CELSR2: variants seen among roughly 807,000 people sequenced by gnomAD.
The protein encoded by CELSR2 is EGF-like protein 2.
A neutral mutation model predicts 251.6 loss-of-function variants in CELSR2; 81 were observed. The observed-to-expected ratio is 0.32, with a 90% CI of 0.27 to 0.39. The LOEUF (loss-of-function observed/expected upper bound fraction) is 0.39. CELSR2 is among the 10% of genes least tolerant of loss of function. The probability of loss-of-function intolerance (pLI) is 1.00; values close to 1 mark genes in which losing one functional copy is unlikely to be tolerated. For missense variants in CELSR2, 3,365 were observed against 3,947.7 expected, an observed-to-expected ratio of 0.85 and a Z score of 3.96; for synonymous variants, 1,721 against 1,670.5, an observed-to-expected ratio of 1.03 and a Z score of -0.74.
chr1:109,269,117 C>T lies in CELSR2; in HGVS notation c.6639C>T (p.Pro2213=), dbSNP rs1390969053. The T allele has an allele frequency of 1.2e-6, 2 of 1,600,602 alleles. No individual in the cohort carries two copies. Among genetic ancestry groups the T allele is most frequent in the African/African-American group, 1.3e-5 (1 of 74,314 alleles). ...ILPESVFRET[P]PVVRPAGPGE... is the part of the protein sequence containing the mutation. ...GACAGTGTCCCCTCCCAGAGACGCC[C>T]CCCGTGGTCAGGCCCGCAGGCCCCG... Residue 2213 remains proline (P), a synonymous_variant, in exon 20 of 34, where the codon CCC becomes CCT. Transcript: ENST00000271332. This position sits in a 1 kb window ranked among gnomAD's most constrained non-coding sequence, Gnocchi z 6.4.
In CELSR2 at chr1:109,261,131, G is replaced by A. The variant is rs757039708; in HGVS notation, c.4048G>A (p.Gly1350Ser). ...CACCTGTGTCAACCTGCTGGTGGGCGGTTTCAAGTGCGATTGCCCATCTGG... is the reference window on the plus strand; with the variant it reads ...CACCTGTGTCAACCTGCTGGTGGGCAGTTTCAAGTGCGATTGCCCATCTGG... The part of the protein sequence containing the change: ...GGTCVNLLVG[G>S]FKCDCPSGDF... Residue 1350 changes from glycine to serine, a missense_variant, in exon 3 of 34, where the codon GGT (glycine) becomes AGT (serine). This residue lies in a region of CELSR2 where 2,093 missense variants were observed against 2,382.8 expected (regional missense o/e 0.88). Coordinates refer to ENST00000271332, the MANE Select transcript of CELSR2 (RefSeq NM_001408.3). This position sits in a 1 kb window ranked among gnomAD's most constrained non-coding sequence, Gnocchi z 4.8. 10 of 1,614,022 alleles carry A rather than the reference G, an allele frequency of 6.2e-6. No individual in the cohort carries two copies. The highest frequency in any genetic ancestry group is 4.0e-5 in the African/African-American group (3 of 74,924).
At position 109,253,385 on chromosome 1, in the gene CELSR2, G is replaced by A. The variant is rs1178942477; in HGVS notation, c.3306G>A (p.Val1102=). 6.2e-7 allele frequency: 1 copy of A among 1,611,774 alleles called. No homozygotes were observed. Among genetic ancestry groups the A allele is most frequent in the East Asian group, 2.2e-5 (1 of 44,876 alleles). ...RPLEAIMSVL[V]SDGVHSVTAQ... is the part of the protein sequence containing the mutation. ...TGGAGGCCATCATGAGCGTGCTGGT[G>A]TCAGGTAAGGAAGGGCCCAGGTGGC... The change falls in exon 1 of 34, where the codon GTG becomes GTA. Residue 1102 remains valine, a synonymous_variant. Transcript: ENST00000271332.
rs113560878 is a variant in CELSR2, at chr1:109,269,571, C to T, written c.6960C>T (p.Val2320=). Residue 2320 remains valine, a synonymous_variant, in exon 21 of 34, where the codon GTC becomes GTT. Transcript: ENST00000271332. This position sits in a 1 kb window ranked among gnomAD's most constrained non-coding sequence, Gnocchi z 6.4. Reference sequence around the variant, plus strand: ...AGGAGCGGACCAAGCCCATCTGTGTCTTCTGGAACCATTCAATCCTGTGAG... The same window carrying T: ...AGGAGCGGACCAAGCCCATCTGTGTTTTCTGGAACCATTCAATCCTGTGAG... ...ETEERTKPIC[V]FWNHSILVSG... 3.8e-5 allele frequency: 62 copies of T among 1,614,130 alleles called. No homozygotes were observed. In the African/African-American group the frequency reaches 7.9e-4, roughly 20 times the overall value.
rs576792900 is a variant in CELSR2, at chr1:109,263,949, T to TA, written c.5002-128dup. ...ACCTGTTGGGCCTGAGGGAAATAAATACGCTTTCCTCTCTATGGCCTCAGC... is the reference window on the plus strand; with the variant it reads ...ACCTGTTGGGCCTGAGGGAAATAAATAACGCTTTCCTCTCTATGGCCTCAGC... On this transcript the variant is annotated intron_variant, in intron 9 of 33. Transcript: ENST00000271332. 3.7e-4 allele frequency: 518 copies of TA among 1,407,498 alleles called. 2 individuals are homozygous for TA. In the African/African-American group the frequency reaches 6.7e-3, roughly 18 times the overall value. 87.2% of individuals were successfully genotyped at this position (1,407,498 alleles called of 1,614,324 possible).
intron 12 of CELSR2, 87 bp from the exon 13 acceptor site, chr1:109,265,104 C>A: frequency 6.3e-7 from 1 of 1,593,284 alleles, no homozygotes; most frequent in Non-Finnish European, 8.6e-7. Flanking sequence ...TGATCCACAG[C>A]CAGGGTCAGA....
intron 33 of CELSR2, 146 bp from the exon 34 acceptor site, chr1:109,273,876 A>G: frequency 8.2e-7 from 1 of 1,225,994 alleles, no homozygotes; most frequent in Middle Eastern, 1.9e-4. Context: ...TACGCGGCGC[A>G]GCCCAGCCTA....
Position 109,251,080 on chromosome 1 carries a change from G to A in CELSR2, c.1001G>A (p.Gly334Asp), listed in dbSNP as rs368408692. The change falls in exon 1 of 34, where the codon GGC becomes GAC. Residue 334 changes from glycine to aspartate, a missense_variant. Gly to Asp is a moderately conservative substitution (Grantham distance 94, BLOSUM62 -1). Coordinates refer to ENST00000271332, the MANE Select transcript of CELSR2 (RefSeq NM_001408.3). This position sits in a 1 kb window ranked among gnomAD's most constrained non-coding sequence, Gnocchi z 4.9. Reference sequence around the variant, plus strand: ...TACCGCCTGCTGGAGGGGTCTGGGGGCAGCCCCTCTGAAGTCTTTGAGATC... The same window carrying A: ...TACCGCCTGCTGGAGGGGTCTGGGGACAGCCCCTCTGAAGTCTTTGAGATC... Reference protein sequence around the residue: ...ILYRLLEGSGGSPSEVFEIDP... With the variant: ...ILYRLLEGSGDSPSEVFEIDP... 8 of 1,613,236 alleles carry A rather than the reference G, an allele frequency of 5.0e-6. No homozygotes were observed. The highest frequency in any genetic ancestry group is 4.4e-5 in the South Asian group (4 of 91,062).
In CELSR2 at chr1:109,269,360, T is replaced by G. The variant is rs1570791842; in HGVS notation, c.6813-64T>G. 1 of 1,607,580 alleles carries G rather than the reference T, an allele frequency of 6.2e-7. No homozygotes were observed. The highest frequency in any genetic ancestry group is 8.5e-7 in the Non-Finnish European group (1 of 1,176,542). On this transcript the variant is annotated intron_variant, in intron 20 of 33. Transcript: ENST00000271332. This position sits in a 1 kb window ranked among gnomAD's most constrained non-coding sequence, Gnocchi z 6.4. Reference sequence around the variant, plus strand: ...GGTGAGTGCTGAGGCATGGAGGGGGTCGGGGGCGTCTCCCCAGTCATGTGA... The same window carrying G: ...GGTGAGTGCTGAGGCATGGAGGGGGGCGGGGGCGTCTCCCCAGTCATGTGA...
Position 109,253,286 on chromosome 1 carries a change from A to G in CELSR2, c.3207A>G (p.Glu1069=), listed in dbSNP as rs1462906485. 1 of 1,613,308 alleles carries G rather than the reference A, an allele frequency of 6.2e-7. No individual in the cohort carries two copies. Among genetic ancestry groups the G allele is most frequent in the Non-Finnish European group, 8.5e-7 (1 of 1,180,040 alleles). Residue 1069 remains glutamate, a synonymous_variant, in exon 1 of 34, where the codon GAA becomes GAG. Coordinates refer to ENST00000271332, the MANE Select transcript of CELSR2 (RefSeq NM_001408.3). ...SLTYSFERGN[E]LSLVLLNAST... ...CTTACAGCTTTGAGCGGGGAAATGA[A>G]CTCAGCCTGGTCCTGCTCAATGCCT...
intron 14 of CELSR2, 44 bp downstream of exon 14, chr1:109,265,962 T>A (rs1656174414): frequency 6.3e-7 from 1 of 1,593,618 alleles, no homozygotes; most frequent in Non-Finnish European, 8.6e-7. Context: ...TACAGTGTGC[T>A]AGGCACCTGC....
chr1:109,273,012 C>A lies in CELSR2; in HGVS notation c.8323C>A (p.His2775Asn). 1 of 1,612,110 alleles carries A rather than the reference C, an allele frequency of 6.2e-7. No homozygotes were observed. Among genetic ancestry groups the A allele is most frequent in the Non-Finnish European group, 8.5e-7 (1 of 1,179,012 alleles). ...GCCTGGAGCAGAGAGACTGCCCCTGCACAGTACTCCCAAGGGTGGGCCAGC... is the reference window on the plus strand; with the variant it reads ...GCCTGGAGCAGAGAGACTGCCCCTGAACAGTACTCCCAAGGGTGGGCCAGC... ...LGPGAERLPLHSTPKDGGPGP... is the reference protein window; with the variant it reads ...LGPGAERLPLNSTPKDGGPGP... The change falls in exon 31 of 34, where the codon CAC (histidine) becomes AAC (asparagine). Residue 2775 changes from histidine (H) to asparagine (N), a missense_variant. Transcript: ENST00000271332.
At position 109,270,481 on chromosome 1, in the gene CELSR2, C is replaced by T; in HGVS notation, c.7364C>T (p.Ser2455Phe). 1 of 1,614,246 alleles carries T rather than the reference C, an allele frequency of 6.2e-7. No homozygotes were observed. Reference sequence around the variant, plus strand: ...CACTTCCTGTACCTCTGCACCTTTTCCTGGGCTCTGCTGGAGGCCTTGCAC... The same window carrying T: ...CACTTCCTGTACCTCTGCACCTTTTTCTGGGCTCTGCTGGAGGCCTTGCAC... ...LLHFLYLCTF[S>F]WALLEALHLY... Residue 2455 changes from serine (S) to phenylalanine (F), a missense_variant, in exon 24 of 34, where the codon TCC becomes TTC. Physicochemically the swap from Ser to Phe is radical, Grantham distance 155. Coordinates refer to ENST00000271332, the MANE Select transcript of CELSR2 (RefSeq NM_001408.3).
intron 16 of CELSR2, 97 bp downstream of exon 16, chr1:109,267,739 C>T (rs761940837): frequency 9.4e-5 from 147 of 1,558,036 alleles, no homozygotes; most frequent in Non-Finnish European, 1.2e-4. Flanking sequence ...TCTGGAATTC[C>T]AGCCTGTGTG....
Position 109,273,016 on chromosome 1 carries a change from G to A in CELSR2, c.8327G>A (p.Ser2776Asn), listed in dbSNP as rs758563484. Residue 2776 changes from serine (S) to asparagine (N), a missense_variant, in exon 31 of 34, where the codon AGT becomes AAT. This residue lies in a region of CELSR2 where 2,093 missense variants were observed against 2,382.8 expected (regional missense o/e 0.88). Transcript: ENST00000271332. ...GGAGCAGAGAGACTGCCCCTGCACA[G>A]TACTCCCAAGGGTGGGCCAGCACTG... ...GPGAERLPLHSTPKDGGPGPG... is the reference protein window; with the variant it reads ...GPGAERLPLHNTPKDGGPGPG... 5.6e-6 allele frequency: 9 copies of A among 1,611,776 alleles called. No homozygotes were observed. The South Asian group carries it at 9.9e-5, about 18-fold the overall frequency.
chr1:109,254,123 G>A (rs767756075), intron 1 of CELSR2, among the ~76,000 whole-genome samples: 34 of 152,256 alleles, frequency 2.2e-4, no homozygotes, highest in Admixed American at 8.5e-4. Flanking sequence ...CTGGGGGGCA[G>A]GCTGAGGCCT....
chr1:109,256,638 A>G (rs1389133223), intron 1 of CELSR2, among the ~76,000 whole-genome samples: 1 of 142,980 alleles, frequency 7.0e-6, no homozygotes, highest in Non-Finnish European at 1.5e-5. Flanking sequence ...TCCCCCTGCT[A>G]TGTGGTTTTG....
chr1:109,267,656 C>G lies in CELSR2; in HGVS notation c.6108+14C>G, dbSNP rs878867456. 2 of 1,613,786 alleles carry G rather than the reference C, an allele frequency of 1.2e-6. No individual in the cohort carries two copies. The highest frequency in any genetic ancestry group is 1.7e-6 in the Non-Finnish European group (2 of 1,179,740). ...CTGAAGGGCTTCGTAAGTGAACCCC[C>G]TCATCTCCATCTTTTCCCTGTCCTT... is the stretch of plus-strand genomic sequence containing the variant. On this transcript the variant is annotated intron_variant, in intron 16 of 33. Coordinates refer to ENST00000271332, the MANE Select transcript of CELSR2 (RefSeq NM_001408.3).
At position 109,265,936 on chromosome 1, in the gene CELSR2, G is replaced by T; in HGVS notation, c.5911+18G>T. The T allele has an allele frequency of 1.2e-6, 2 of 1,606,546 alleles. No homozygotes were observed. Among genetic ancestry groups the T allele is most frequent in the South Asian group, 1.1e-5 (1 of 90,812 alleles). ...CTGTGAAGGTGGGGCTCCTGGGATG[G>T]GTGGGCAGCCCTCCTTACAGTGTGC... On this transcript the variant is annotated intron_variant, in intron 14 of 33. Transcript: ENST00000271332.
rs1656298251 is a variant in CELSR2, at chr1:109,269,327, G to A, written c.6812+37G>A. ...GGGGACAGGTGTGGGTAGGGGTATG[G>A]GTCGGGCGGTGAGTGCTGAGGCATG... is the stretch of plus-strand genomic sequence containing the variant. On this transcript the variant is annotated intron_variant, in intron 20 of 33. Transcript: ENST00000271332. The surrounding 1 kb of genome is among the most constrained non-coding windows in gnomAD (Gnocchi z 6.4). 1 of 1,611,682 alleles carries A rather than the reference G, an allele frequency of 6.2e-7. No individual in the cohort carries two copies. The highest frequency in any genetic ancestry group is 1.3e-5 in the African/African-American group (1 of 74,860).
Sources: allele counts gnomAD v4.1 joint callset (sites outside exome capture counted in the v4.1 genomes callset), GRCh38; gene constraint gnomAD v4.1.1; regional missense constraint gnomAD v4.1.1; non-coding constraint Gnocchi (gnomAD v3.1); transcripts MANE v1.5; gene names NCBI Gene and HGNC (gene_info 2026-07-23, HGNC 2026-07-21).